Variants in CDH2 observed in about 807,000 individuals in gnomAD.
CDH2 encodes cadherin-2.
In CDH2, 17 loss-of-function variants were observed where a neutral mutation model predicts 92.0. The observed-to-expected ratio is 0.18, with a 90% CI of 0.13 to 0.28. The LOEUF is 0.28. Ranked by LOEUF, CDH2 falls within the 10% of genes least tolerant of loss-of-function variation. CDH2 has a pLI of 1.00. For missense variants in CDH2, 862 were observed against 1,133.1 expected, an observed-to-expected ratio of 0.76 and a Z score of 3.44; for synonymous variants, 419 against 415.9, an observed-to-expected ratio of 1.01 and a Z score of -0.09.
intron 14 of CDH2, among the ~76,000 whole-genome samples, chr18:27,975,741 C>T (rs935107828): frequency 6.6e-6 from 1 of 152,196 alleles, no homozygotes; most frequent in East Asian, 1.9e-4. Context: ...TTTGGGTACC[C>T]ACACTTGGTG....
chr18:28,096,989 T>C (rs1417456052), intron 2 of CDH2: 1 of 152,226 alleles, frequency 6.6e-6, no homozygotes, highest in African/African-American at 2.4e-5. Context: ...TTAAGCCATC[T>C]TTCAATGTCT....
intron 2 of CDH2, among the ~76,000 whole-genome samples, chr18:28,143,676 T>C (rs529602298): frequency 9.6e-5 from 1 of 10,368 alleles, no homozygotes; most frequent in East Asian, 3.4e-3. Context: ...CCTTTCTCTG[T>C]GTTATACCAT....
At chr18:28,015,257 TTAAC>T (rs1308286686) in intron 2 of CDH2, among the ~76,000 whole-genome samples, 1 of 152,184 alleles carries the variant, frequency 6.6e-6, no homozygotes, top group Non-Finnish European at 1.5e-5. Flanking sequence ...ATAAAATACT[TTAAC>T]TACTGAATAT....
chr18:28,014,685 C>A (rs1039091735), intron 2 of CDH2, among the ~76,000 whole-genome samples: 11 of 151,042 alleles, frequency 7.3e-5, no homozygotes, highest in Non-Finnish European at 1.3e-4. Context: ...TAGAAGAATT[C>A]AAAAATGTGT....
chr18:27,947,184 T>G (rs1055094631), downstream of CDH2, among the ~76,000 whole-genome samples: 1 of 151,598 alleles, frequency 6.6e-6, no homozygotes, highest in Non-Finnish European at 1.5e-5. Flanking sequence ...TTAAAAGTAA[T>G]ACAACAGTAA....
At chr18:28,042,648 T>C (rs2013970505) in intron 2 of CDH2, among the ~76,000 whole-genome samples, 2 of 152,100 alleles carry the variant, frequency 1.3e-5, no homozygotes. Flanking sequence ...ACCATAAAAA[T>C]ATACACACAC....
At chr18:27,954,415 C>T (rs1909608760) in intron 15 of CDH2, 1 of 152,256 alleles carries the variant, frequency 6.6e-6, no homozygotes, top group Non-Finnish European at 1.5e-5. Context: ...GTCTGACTGG[C>T]TTTGGCCAAT....
chr18:28,111,312 C>T (rs528832186), intron 2 of CDH2, among the ~76,000 whole-genome samples: 3 of 152,192 alleles, frequency 2.0e-5, no homozygotes, highest in Non-Finnish European at 4.4e-5. Context: ...CACGTGCATA[C>T]GTGACCCCAA....
downstream of CDH2, among the ~76,000 whole-genome samples, chr18:27,948,889 T>TA (rs1356855590): frequency 6.6e-6 from 1 of 151,968 alleles, no homozygotes; most frequent in African/African-American, 2.4e-5. Context: ...AAACTACACA[T>TA]ACTTTTATCA....
chr18:28,157,437 G>T (rs938628174), intron 1 of CDH2, among the ~76,000 whole-genome samples: 9 of 152,176 alleles, frequency 5.9e-5, no homozygotes, highest in African/African-American at 2.2e-4. Flanking sequence ...ATAACCCTAT[G>T]AGGTAGATGC....
At chr18:28,061,343 C>T (rs948762270) in intron 2 of CDH2, among the ~76,000 whole-genome samples, 2 of 152,098 alleles carry the variant, frequency 1.3e-5, no homozygotes, top group African/African-American at 4.8e-5. Context: ...GTGCTGTTTT[C>T]ACTTAAAACT....
chr18:27,957,928 A>C (rs963421103), intron 15 of CDH2, among the ~76,000 whole-genome samples: 3 of 152,224 alleles, frequency 2.0e-5, no homozygotes, highest in African/African-American at 7.2e-5. Flanking sequence ...TCTTACAATT[A>C]GAGAACAGCA....
chr18:28,020,317 A>G (rs2013373910), intron 2 of CDH2, among the ~76,000 whole-genome samples: 1 of 152,072 alleles, frequency 6.6e-6, no homozygotes, highest in East Asian at 1.9e-4. Context: ...TATAAGTTAT[A>G]TATTTTTTAG....
At chr18:27,974,798 T>C (rs978338782) in intron 14 of CDH2, among the ~76,000 whole-genome samples, 10 of 152,178 alleles carry the variant, frequency 6.6e-5, no homozygotes, top group Admixed American at 5.2e-4. Context: ...GAAAGGCGCC[T>C]TATATGAAGC....
intron 2 of CDH2, among the ~76,000 whole-genome samples, chr18:28,085,405 T>C (rs1220016): frequency 0.54 from 81,590 of 151,878 alleles, 22,660 homozygotes; most frequent in African/African-American, 0.68. Flanking sequence ...CTTGTTCACC[T>C]GCTCCTCTGC....
intron 2 of CDH2, among the ~76,000 whole-genome samples, chr18:28,099,874 T>C (rs2015198245): frequency 6.6e-6 from 1 of 152,150 alleles, no homozygotes; most frequent in Non-Finnish European, 1.5e-5. Context: ...AAATATTAAA[T>C]ACGATGATCA....
intron 6 of CDH2, among the ~76,000 whole-genome samples, chr18:27,934,251 C>T (rs1391006907): frequency 3.9e-5 from 6 of 152,132 alleles, no homozygotes; most frequent in African/African-American, 1.4e-4. Flanking sequence ...GTCGTTTATG[C>T]TGCTGTCTGT....
At chr18:28,176,804 T>A (rs1395233595) in intron 1 of CDH2, among the ~76,000 whole-genome samples, 159 bp downstream of exon 1, 3 of 149,896 alleles carry the variant, frequency 2.0e-5, no homozygotes, top group East Asian at 4.0e-4. Context: ...CGGAGCCCGA[T>A]GCCTGCGCAG....
intron 14 of CDH2, among the ~76,000 whole-genome samples, chr18:27,967,038 C>A (rs945775345): frequency 1.3e-5 from 2 of 152,174 alleles, no homozygotes; most frequent in Non-Finnish European, 2.9e-5. Context: ...TGCTGAGAAT[C>A]ATTGCCATGG....
Sources: gnomAD v4.1 joint callset for allele counts (sites outside exome capture counted in the v4.1 genomes callset) on GRCh38, gnomAD v4.1.1 for gene constraint, MANE v1.5 for transcripts, NCBI Gene and HGNC (gene_info 2026-07-23, HGNC 2026-07-21) for gene names.